Variants in NUTM2B observed in about 807,000 individuals in gnomAD.
NUTM2B encodes the protein NUT family member 2B.
Under a neutral mutation model 42.4 loss-of-function variants are expected in NUTM2B, and 2 were observed. That is an observed-to-expected ratio of 0.05 (90% CI 0.02 to 0.15). The LOEUF (loss-of-function observed/expected upper bound fraction) is 0.15. NUTM2B is among the 10% of genes least tolerant of loss of function. NUTM2B has a pLI of 1.00. For synonymous variants in NUTM2B, 18 were observed against 402.4 expected (o/e 0.04, Z 11.43); for missense variants, 58 against 952.6 (o/e 0.06, Z 12.36).
upstream of NUTM2B, among the ~76,000 whole-genome samples, chr10:79,701,037 G>A (rs577525270): frequency 9.8e-3 from 1,497 of 152,278 alleles, 20 homozygotes; most frequent in South Asian, 0.067. Flanking sequence ...TTGCTGAAAG[G>A]TTTACCTTTG....
chr10:79,700,111 C>T (rs532471779), upstream of NUTM2B, among the ~76,000 whole-genome samples: 4 of 152,226 alleles, frequency 2.6e-5, no homozygotes, highest in East Asian at 7.7e-4. Context: ...CACACTCTTG[C>T]ATCCACAACC....
upstream of NUTM2B, among the ~76,000 whole-genome samples, chr10:79,700,122 A>C (rs986647370): frequency 1.3e-5 from 2 of 152,184 alleles, no homozygotes; most frequent in African/African-American, 4.8e-5. Context: ...ATCCACAACC[A>C]ACTTGTGCTA....
At chr10:79,707,296 C>A (rs1840410903) in intron 2 of NUTM2B, among the ~76,000 whole-genome samples, 1 of 131,154 alleles carries the variant, frequency 7.6e-6, no homozygotes, top group Non-Finnish European at 1.6e-5. Flanking sequence ...TCAATCCCTC[C>A]TAGAAAAAGG....
intron 3 of NUTM2B, 121 bp from the exon 4 acceptor site, chr10:79,709,679 G>C (rs1754776273): frequency 8.2e-7 from 1 of 1,220,604 alleles, no homozygotes; most frequent in Admixed American, 2.7e-5. Flanking sequence ...ATGGGACACA[G>C]TGAGGGCCTG....
chr10:79,701,366 C>T (rs939326508), upstream of NUTM2B, among the ~76,000 whole-genome samples: 4 of 151,948 alleles, frequency 2.6e-5, no homozygotes, highest in Non-Finnish European at 5.9e-5. Context: ...CCACACTCCC[C>T]ATCCCTGACT....
At chr10:79,694,882 T>G in the NUTM2B span, among the ~76,000 whole-genome samples, 2 of 152,046 alleles carry the variant, frequency 1.3e-5, no homozygotes, top group Non-Finnish European at 2.9e-5. Context: ...TCCTCACTCC[T>G]TAGCACCAGG....
At chr10:79,693,270 C>T in the NUTM2B span, among the ~76,000 whole-genome samples, 3 of 152,220 alleles carry the variant, frequency 2.0e-5, no homozygotes, top group Non-Finnish European at 2.9e-5. Flanking sequence ...TCAGTGGCCT[C>T]ACTGTTTCCT....
upstream of NUTM2B, among the ~76,000 whole-genome samples, chr10:79,699,505 C>T (rs1164895567): frequency 5.3e-5 from 8 of 152,238 alleles, no homozygotes; most frequent in Admixed American, 6.5e-5. Context: ...TGCAGTGGCA[C>T]GATCTGGGCT....
At chr10:79,693,186 C>A in the NUTM2B span, among the ~76,000 whole-genome samples, 4 of 152,330 alleles carry the variant, frequency 2.6e-5, no homozygotes, top group African/African-American at 9.6e-5. Context: ...TGGTCTTGCC[C>A]GCTGAGTCTC....
chr10:79,692,587 C>A, the NUTM2B span, among the ~76,000 whole-genome samples: 1 of 152,146 alleles, frequency 6.6e-6, no homozygotes, highest in African/African-American at 2.4e-5. Flanking sequence ...CATCTTCTGG[C>A]AATGAAGCTC....
At chr10:79,695,638 A>G in the NUTM2B span, among the ~76,000 whole-genome samples, 2 of 152,036 alleles carry the variant, frequency 1.3e-5, no homozygotes. Flanking sequence ...CATCTCGTGG[A>G]ACGTATGTTA....
chr10:79,696,215 A>G, the NUTM2B span, among the ~76,000 whole-genome samples: 2 of 149,426 alleles, frequency 1.3e-5, no homozygotes, highest in African/African-American at 4.9e-5. Context: ...GAAATAGGAA[A>G]GCCTAGAATT....
At chr10:79,693,813 G>A in the NUTM2B span, among the ~76,000 whole-genome samples, 1 of 152,186 alleles carries the variant, frequency 6.6e-6, no homozygotes, top group Non-Finnish European at 1.5e-5. Flanking sequence ...AGGACATGAG[G>A]GGGCAGCAAG....
chr10:79,697,729 A>G, the NUTM2B span, among the ~76,000 whole-genome samples: 1 of 121,142 alleles, frequency 8.3e-6, no homozygotes, highest in African/African-American at 3.1e-5. Flanking sequence ...TCCTATAGGC[A>G]TAGGCTCAAA....
upstream of NUTM2B, among the ~76,000 whole-genome samples, chr10:79,699,795 A>G (rs1006685760): frequency 2.0e-5 from 3 of 152,126 alleles, no homozygotes; most frequent in African/African-American, 7.2e-5. Flanking sequence ...ACCAACCCAC[A>G]CATGTGAATA....
the NUTM2B span, among the ~76,000 whole-genome samples, chr10:79,695,033 G>C: frequency 7.2e-5 from 11 of 152,300 alleles, no homozygotes; most frequent in Non-Finnish European, 1.5e-4. Context: ...CTCTGTGTCT[G>C]GCTTCTGCCC....
At chr10:79,709,673 G>A (rs1308739215) in intron 3 of NUTM2B, 127 bp from the exon 4 acceptor site, 2 of 1,253,224 alleles carry the variant, frequency 1.6e-6, no homozygotes, top group Non-Finnish European at 2.1e-6. Context: ...TGGGGGATGG[G>A]ACACAGTGAG....
chr10:79,697,857 C>T, the NUTM2B span, among the ~76,000 whole-genome samples: 1 of 149,626 alleles, frequency 6.7e-6, no homozygotes, highest in East Asian at 2.0e-4. Flanking sequence ...CAAACACAAC[C>T]TACACAGCCT....
At chr10:79,693,117 C>T in the NUTM2B span, among the ~76,000 whole-genome samples, 61 of 152,330 alleles carry the variant, frequency 4.0e-4, no homozygotes, top group Non-Finnish European at 5.6e-4. Context: ...CTGCTCTGTT[C>T]CTAGTGTCTG....
Sources: gnomAD v4.1 joint callset for allele counts (sites outside exome capture counted in the v4.1 genomes callset) on GRCh38, gnomAD v4.1.1 for gene constraint, MANE v1.5 for transcripts, NCBI Gene and HGNC (gene_info 2026-07-23, HGNC 2026-07-21) for gene names.